The following ANO4 variants were observed in gnomAD, a reference collection of about 807,000 sequenced individuals.
ANO4 encodes anoctamin-4.
Under a neutral mutation model 141.9 loss-of-function variants are expected in ANO4, and 69 were observed. The observed-to-expected ratio is 0.49, with a 90% CI of 0.40 to 0.59. The LOEUF is 0.59. Ranked by LOEUF, ANO4 falls within the 20% of genes least tolerant of loss-of-function variation. ANO4 has a pLI of 0.00. For missense variants in ANO4, 894 were observed against 1,162.2 expected (o/e 0.77, Z 3.36); for synonymous variants, 350 against 394.3 (o/e 0.89, Z 1.33).
intron 1 of ANO4, among the ~76,000 whole-genome samples, chr12:100,872,956 A>G (rs928352713): frequency 1.8e-4 from 28 of 152,172 alleles, no homozygotes; most frequent in Non-Finnish European, 1.5e-4. Flanking sequence ...TTCTTGTGAT[A>G]GTGAGTTCTC....
At chr12:100,799,214 T>C (rs2034532556) in intron 1 of ANO4, among the ~76,000 whole-genome samples, 1 of 152,198 alleles carries the variant, frequency 6.6e-6, no homozygotes, top group Non-Finnish European at 1.5e-5. Context: ...TTCACTTCTA[T>C]TTGCTACTAG....
At chr12:101,004,187 C>G (rs1223198054) in intron 8 of ANO4, among the ~76,000 whole-genome samples, 1 of 151,728 alleles carries the variant, frequency 6.6e-6, no homozygotes, top group African/African-American at 2.4e-5. Flanking sequence ...AAAGGAAACA[C>G]TGAAGTCAAG....
At chr12:100,976,564 T>C (rs542469599) in intron 7 of ANO4, among the ~76,000 whole-genome samples, 4 of 152,356 alleles carry the variant, frequency 2.6e-5, no homozygotes, top group Non-Finnish European at 4.4e-5. Context: ...GGCACAGATT[T>C]CTAGGCCTCA....
At chr12:101,029,361 G>A (rs1468108179) in intron 9 of ANO4, among the ~76,000 whole-genome samples, 1 of 152,080 alleles carries the variant, frequency 6.6e-6, no homozygotes. Flanking sequence ...TGGGCAAAAT[G>A]CCCCAATTAA....
At chr12:101,081,542 T>C (rs2049278768) in intron 15 of ANO4, among the ~76,000 whole-genome samples, 1 of 152,324 alleles carries the variant, frequency 6.6e-6, no homozygotes, top group South Asian at 2.1e-4. Flanking sequence ...GGATTCCTTG[T>C]GGAAATGCCT....
At chr12:100,981,724 C>T (rs1204488444) in intron 7 of ANO4, among the ~76,000 whole-genome samples, 2 of 152,122 alleles carry the variant, frequency 1.3e-5, no homozygotes, top group East Asian at 3.9e-4. Flanking sequence ...AGGGAAATGA[C>T]CTTTCTTCTA....
At chr12:100,834,416 A>G (rs1264624599) in intron 1 of ANO4, among the ~76,000 whole-genome samples, 2 of 152,150 alleles carry the variant, frequency 1.3e-5, no homozygotes, top group Non-Finnish European at 2.9e-5. Flanking sequence ...TGACCAGACC[A>G]CCAAAACGTT....
intron 3 of ANO4, among the ~76,000 whole-genome samples, chr12:100,932,747 C>G (rs2042131476): frequency 6.6e-6 from 1 of 152,136 alleles, no homozygotes; most frequent in Non-Finnish European, 1.5e-5. Context: ...CTGCCTCCAT[C>G]CTGGGATGAT....
rs543125551 is a variant in ANO4, at chr12:101,050,452, C to G, written c.1312+2051C>G. 1.2e-4 allele frequency among the ~76,000 whole-genome samples: 18 copies of G among 152,290 alleles called. 1 individual carries two copies. The East Asian group carries it at 2.3e-3, about 20-fold the overall frequency. ...ACTAACCCTAACAGAATTTTGATTA[C>G]AGGCCTGAGCTCTCAGATAAAGAAT... On this transcript the variant is annotated intron_variant, in intron 14 of 27. Coordinates refer to ENST00000392977, the MANE Select transcript of ANO4 (RefSeq NM_001286615.2).
At chr12:100,906,852 G>A (rs761878842) in intron 2 of ANO4, among the ~76,000 whole-genome samples, 7 of 152,278 alleles carry the variant, frequency 4.6e-5, no homozygotes, top group South Asian at 2.1e-4. Flanking sequence ...TTTCAGATGC[G>A]TTGGTGCCAG....
chr12:100,896,401 C>T (rs10860655), intron 1 of ANO4, among the ~76,000 whole-genome samples: 31,766 of 151,474 alleles, frequency 0.21, 4,137 homozygotes, highest in Middle Eastern at 0.35. Context: ...GGAATGCTGG[C>T]GCCCGTGAGA....
chr12:100,818,742 G>A (rs975321527), intron 1 of ANO4, among the ~76,000 whole-genome samples: 4 of 151,714 alleles, frequency 2.6e-5, no homozygotes, highest in African/African-American at 4.8e-5. Flanking sequence ...TCAACAAATC[G>A]TGATTTTGCC....
chr12:100,729,605 A>G (rs1034560694), intron 1 of ANO4, among the ~76,000 whole-genome samples: 3 of 152,130 alleles, frequency 2.0e-5, no homozygotes, highest in African/African-American at 4.8e-5. Context: ...AGAACCCACA[A>G]TGTTCATTAA....
intron 1 of ANO4, among the ~76,000 whole-genome samples, chr12:100,826,330 G>T (rs2036338913): frequency 6.6e-6 from 1 of 151,966 alleles, no homozygotes; most frequent in Admixed American, 6.6e-5. Flanking sequence ...CACAGAAAAA[G>T]ATTCACTAAG....
At chr12:101,068,675 AT>A in intron 14 of ANO4, 2 of 1,311,280 alleles carry the variant, frequency 1.5e-6, no homozygotes, top group Non-Finnish European at 2.2e-6. Flanking sequence ...CTTATTAACT[AT>A]TAGAGTAGGA....
chr12:101,004,024 T>C (rs1161405633), intron 8 of ANO4, among the ~76,000 whole-genome samples: 1 of 152,004 alleles, frequency 6.6e-6, no homozygotes, highest in Admixed American at 6.6e-5. Context: ...TTCTGTGGTG[T>C]GTAGTTTCTC....
chr12:100,845,449 T>A (rs558031315), intron 1 of ANO4, among the ~76,000 whole-genome samples: 1 of 152,294 alleles, frequency 6.6e-6, no homozygotes, highest in African/African-American at 2.4e-5. Context: ...CTCTTCCTCT[T>A]TTGTTCCTCC....
At chr12:100,817,521 A>C (rs2035804313) in intron 1 of ANO4, among the ~76,000 whole-genome samples, 1 of 151,976 alleles carries the variant, frequency 6.6e-6, no homozygotes, top group Admixed American at 6.6e-5. Context: ...TATATGTAAA[A>C]TGTGGGTTTT....
chr12:100,897,110 T>TCCCC (rs2040386932), intron 1 of ANO4, among the ~76,000 whole-genome samples: 1 of 152,228 alleles, frequency 6.6e-6, no homozygotes, highest in African/African-American at 2.4e-5. Context: ...CCTCACCTTA[T>TCCCC]CCCCCAAGGT....
Sources: allele counts gnomAD v4.1 joint callset (sites outside exome capture counted in the v4.1 genomes callset), GRCh38; gene constraint gnomAD v4.1.1; transcripts MANE v1.5; gene names NCBI Gene and HGNC (gene_info 2026-07-23, HGNC 2026-07-21).